The following HIVEP3 variants were observed in gnomAD, a reference collection of about 807,000 sequenced individuals.
HIVEP3 encodes the protein HIVEP zinc finger 3, also known as transcription factor HIVEP3.
Under a neutral mutation model 152.8 loss-of-function variants are expected in HIVEP3, and 49 were observed. The ratio of observed to expected loss-of-function variants is 0.32; its 90% CI spans 0.26 to 0.41. The LOEUF is 0.41. HIVEP3 is among the 10% of genes least tolerant of loss of function. The pLI, the probability that HIVEP3 is intolerant of heterozygous loss-of-function variation, is 1.00. For missense variants in HIVEP3, 2,790 were observed against 3,103.3 expected (o/e 0.90, Z 2.40); for synonymous variants, 1,269 against 1,289.0 (o/e 0.98, Z 0.33).
chr1:41,661,198 G>T (rs1384520366), intron 2 of HIVEP3, among the ~76,000 whole-genome samples: 1 of 152,168 alleles, frequency 6.6e-6, no homozygotes, highest in East Asian at 1.9e-4. Flanking sequence ...GTCACTAAGG[G>T]ATAGACCCAT....
At chr1:41,961,093 G>A (rs973669395) in intron 1 of HIVEP3, among the ~76,000 whole-genome samples, 2 of 152,194 alleles carry the variant, frequency 1.3e-5, no homozygotes, top group Admixed American at 6.5e-5. Context: ...TTGGTCCTCT[G>A]CAACAATTGT....
chr1:41,765,485 G>A (rs1294986279), intron 1 of HIVEP3, among the ~76,000 whole-genome samples: 1 of 152,206 alleles, frequency 6.6e-6, no homozygotes, highest in Non-Finnish European at 1.5e-5. Flanking sequence ...TTGTTTGAGT[G>A]TCTTTGGGCA....
At position 41,918,008 on chromosome 1, in the gene HIVEP3, C is replaced by T. The variant is rs1423152303; in HGVS notation, c.-801+405G>A. Among the ~76,000 whole-genome samples the T allele has an allele frequency of 6.6e-6, 1 of 152,222 alleles. No homozygotes were observed. The highest frequency in any genetic ancestry group is 1.5e-5 in the Non-Finnish European group (1 of 68,034). On this transcript the variant is annotated intron_variant, in intron 1 of 8. Coordinates refer to ENST00000372583, the MANE Select transcript of HIVEP3 (RefSeq NM_024503.5). This position sits in a 1 kb window ranked among gnomAD's most constrained non-coding sequence, Gnocchi z 4.3. The stretch of plus-strand genomic sequence containing the variant: ...GAACGCGATGCCTAAGCCCCCCAGC[C>T]GAGGCTCCTATGGAGCCGGCCGCCA...
Position 42,005,896 on chromosome 1 carries a change from CTCT to C in HIVEP3, n.119+29908_119+29910del, listed in dbSNP as rs1390393549. On this transcript the variant is annotated intron_variant and non_coding_transcript_variant, in intron 1 of 3. Coordinates refer to the HIVEP3 transcript ENST00000489103. ...TAGAATTGTGCCAAAAGCTGATAAT[CTCT>C]TCTTGGCTGGTTCAGTGAGAGTGGT... Among the ~76,000 whole-genome samples the C allele has an allele frequency of 2.6e-5, 4 of 152,186 alleles. No individual in the cohort carries two copies. The East Asian group carries it at 7.7e-4, about 29-fold the overall frequency.
intron 1 of HIVEP3, among the ~76,000 whole-genome samples, chr1:41,895,041 C>T (rs1644505931): frequency 6.6e-6 from 1 of 151,658 alleles, no homozygotes; most frequent in Non-Finnish European, 1.5e-5. Flanking sequence ...AGTATGGTCG[C>T]GTCTGTAAGC....
chr1:41,852,043 T>C (rs1489043487), intron 1 of HIVEP3, among the ~76,000 whole-genome samples: 3 of 152,192 alleles, frequency 2.0e-5, no homozygotes, highest in Non-Finnish European at 4.4e-5. Context: ...TCTCTGTAAA[T>C]AGTAAAATAA....
At chr1:41,618,381 G>T (rs555946602) in intron 3 of HIVEP3, among the ~76,000 whole-genome samples, 1 of 152,322 alleles carries the variant, frequency 6.6e-6, no homozygotes, top group East Asian at 1.9e-4. Flanking sequence ...AAAATTGAGG[G>T]CCTCAGTGTT....
intron 2 of HIVEP3, among the ~76,000 whole-genome samples, chr1:41,654,421 G>A (rs1394178345): frequency 6.6e-6 from 1 of 152,092 alleles, no homozygotes; most frequent in Non-Finnish European, 1.5e-5. Flanking sequence ...ACCCTTAGGA[G>A]GACAGCTAGT....
chr1:41,678,432 G>GCCACAC (rs1202044216), intron 2 of HIVEP3, among the ~76,000 whole-genome samples: 58 of 150,078 alleles, frequency 3.9e-4, no homozygotes, highest in African/African-American at 1.4e-3. Flanking sequence ...CAAGGAGGAG[G>GCCACAC]CTGTAATTAG....
chr1:41,761,741 T>C (rs1421100477), intron 1 of HIVEP3, among the ~76,000 whole-genome samples: 1 of 152,246 alleles, frequency 6.6e-6, no homozygotes, highest in Non-Finnish European at 1.5e-5. Context: ...GTTATGCCTA[T>C]GTGAGTGCAT....
At chr1:41,548,879 T>C (rs1643865475) in intron 5 of HIVEP3, among the ~76,000 whole-genome samples, 1 of 152,184 alleles carries the variant, frequency 6.6e-6, no homozygotes, top group South Asian at 2.1e-4. Context: ...TATTTTATTT[T>C]ATTTTATTAT....
intron 1 of HIVEP3, among the ~76,000 whole-genome samples, chr1:41,786,879 G>C (rs753435102): frequency 1.3e-5 from 2 of 151,648 alleles, no homozygotes; most frequent in Non-Finnish European, 2.9e-5. Context: ...AGACTCCCCG[G>C]TAGCTAGGAT....
At chr1:42,001,491 A>G (rs1351659760) in intron 1 of HIVEP3, among the ~76,000 whole-genome samples, 1 of 152,210 alleles carries the variant, frequency 6.6e-6, no homozygotes, top group Non-Finnish European at 1.5e-5. Flanking sequence ...GTCATGCTCA[A>G]TAGTGTTCCT....
intron 1 of HIVEP3, among the ~76,000 whole-genome samples, chr1:41,871,577 T>G (rs710229): frequency 0.87 from 132,238 of 152,272 alleles, 57,748 homozygotes; most frequent in East Asian, 1. Context: ...AAATGTAGAT[T>G]CAGAATTCTC....
At chr1:41,639,060 G>C (rs11210505) in intron 2 of HIVEP3, among the ~76,000 whole-genome samples, 71,486 of 152,098 alleles carry the variant, frequency 0.47, 17,231 homozygotes, top group Non-Finnish European at 0.53. Flanking sequence ...CACTCTGAAC[G>C]GAACGTCTGC....
intron 1 of HIVEP3, among the ~76,000 whole-genome samples, chr1:41,971,171 T>A (rs1219847359): frequency 3.9e-5 from 6 of 152,164 alleles, no homozygotes; most frequent in Admixed American, 3.9e-4. Flanking sequence ...GGGTATTCTG[T>A]GTTGTGCCTC....
chr1:41,748,557 G>C (rs534699119), intron 1 of HIVEP3, among the ~76,000 whole-genome samples: 2 of 152,304 alleles, frequency 1.3e-5, no homozygotes, highest in Admixed American at 1.3e-4. Context: ...GCAACAATAA[G>C]GGCGGTTAAC....
intron 1 of HIVEP3, among the ~76,000 whole-genome samples, chr1:41,779,838 C>G (rs1291314864): frequency 6.6e-6 from 1 of 152,170 alleles, no homozygotes; most frequent in Non-Finnish European, 1.5e-5. Flanking sequence ...GAATTGGGTG[C>G]TTGCTGCATG....
chr1:41,692,200 G>A (rs1003432807), intron 2 of HIVEP3, among the ~76,000 whole-genome samples: 3 of 152,208 alleles, frequency 2.0e-5, no homozygotes, highest in Non-Finnish European at 4.4e-5. Context: ...TGAATGAGGC[G>A]ACCTTCTGCC....
Sources: gnomAD v4.1 joint callset for allele counts (sites outside exome capture counted in the v4.1 genomes callset) on GRCh38, gnomAD v4.1.1 for gene constraint, Gnocchi (gnomAD v3.1) non-coding constraint, MANE v1.5 for transcripts, NCBI Gene and HGNC (gene_info 2026-07-23, HGNC 2026-07-21) for gene names.